The following STAG1 variants were observed in gnomAD, a reference collection of about 807,000 sequenced individuals.
STAG1 encodes STAG1 cohesin complex component, also known as cohesin subunit SA-1.
A neutral mutation model predicts 170.9 loss-of-function variants in STAG1; 26 were observed. The ratio of observed to expected loss-of-function variants is 0.15; its 90% CI spans 0.11 to 0.21. The LOEUF (loss-of-function observed/expected upper bound fraction) is 0.21, where lower values mean the gene tolerates loss of function less well. Among genes scored for constraint, STAG1 ranks in the 10% least tolerant of loss-of-function variants. STAG1 has a pLI of 1.00. For missense variants in STAG1, 964 were observed against 1,509.5 expected, an observed-to-expected ratio of 0.64 and a Z score of 5.99; for synonymous variants, 514 against 497.7, an observed-to-expected ratio of 1.03 and a Z score of -0.44.
intron 6 of STAG1, among the ~76,000 whole-genome samples, chr3:136,530,076 C>A (rs949406351): frequency 6.6e-6 from 1 of 152,004 alleles, no homozygotes; most frequent in East Asian, 1.9e-4. Context: ...GAAAAGTGAG[C>A]AAGAACAGCT....
intron 26 of STAG1, among the ~76,000 whole-genome samples, chr3:136,361,460 T>C (rs1936860142): frequency 6.6e-6 from 1 of 152,214 alleles, no homozygotes; most frequent in South Asian, 2.1e-4. Context: ...TTAAAGGGAA[T>C]ATATATCTTC....
At chr3:136,478,724 T>C (rs115141900) in intron 9 of STAG1, among the ~76,000 whole-genome samples, 1 of 152,142 alleles carries the variant, frequency 6.6e-6, no homozygotes, top group Non-Finnish European at 1.5e-5. Flanking sequence ...GGGAAAACAT[T>C]CTCTTTCCAA....
At chr3:136,340,875 G>GGTA (rs1011209319) in intron 31 of STAG1, among the ~76,000 whole-genome samples, 58 of 152,184 alleles carry the variant, frequency 3.8e-4, no homozygotes, top group African/African-American at 1.3e-3. Context: ...AAATCTTATT[G>GGTA]GTAGTATTAT....
At chr3:136,549,239 GT>G (rs1269617771) in intron 5 of STAG1, among the ~76,000 whole-genome samples, 1 of 151,964 alleles carries the variant, frequency 6.6e-6, no homozygotes, top group East Asian at 1.9e-4. Flanking sequence ...AAATTTATAT[GT>G]TGATGTTGCA....
intron 8 of STAG1, 111 bp downstream of exon 8, chr3:136,502,517 T>C (rs1933539715): frequency 8.5e-7 from 1 of 1,170,088 alleles, no homozygotes; most frequent in Admixed American, 2.5e-5. Flanking sequence ...CATCAAATAA[T>C]CTAACTAAAT....
chr3:136,415,531 A>G (rs2087746573), intron 21 of STAG1, among the ~76,000 whole-genome samples: 1 of 152,174 alleles, frequency 6.6e-6, no homozygotes. Flanking sequence ...GTGAGCTTGC[A>G]TGGTTGTATT....
intron 5 of STAG1, among the ~76,000 whole-genome samples, chr3:136,561,816 C>G (rs1936853163): frequency 1.7e-5 from 1 of 59,574 alleles, no homozygotes; most frequent in Non-Finnish European, 3.1e-5. Flanking sequence ...GGGGTTAAAA[C>G]ATTTTTTTTT....
chr3:136,364,087 T>C (rs541009577), intron 25 of STAG1, among the ~76,000 whole-genome samples: 94 of 148,082 alleles, frequency 6.3e-4, no homozygotes, highest in Non-Finnish European at 1.2e-3. Context: ...TTGTTTTTGC[T>C]TTTATTTGTT....
At chr3:136,512,096 T>TAAAAA (rs35238532) in intron 7 of STAG1, among the ~76,000 whole-genome samples, 51 of 68,300 alleles carry the variant, frequency 7.5e-4, no homozygotes, top group African/African-American at 1.7e-3. Context: ...CTCTACAAAA[T>TAAAAA]AAAAAAAAAA....
intron 7 of STAG1, among the ~76,000 whole-genome samples, chr3:136,512,280 T>A (rs907121232): frequency 6.6e-6 from 1 of 152,044 alleles, no homozygotes; most frequent in African/African-American, 2.4e-5. Context: ...CACTCCAGCC[T>A]GGATGACAGA....
At chr3:136,434,279 G>C (rs1416392582) in intron 15 of STAG1, among the ~76,000 whole-genome samples, 8 of 151,924 alleles carry the variant, frequency 5.3e-5, no homozygotes, top group Non-Finnish European at 1.2e-4. Flanking sequence ...GAAATCATAA[G>C]ATTATTTATT....
At chr3:136,579,951 C>T (rs1937554715) in intron 4 of STAG1, among the ~76,000 whole-genome samples, 2 of 133,082 alleles carry the variant, frequency 1.5e-5, no homozygotes, top group Non-Finnish European at 3.3e-5. Flanking sequence ...GTCACAATAC[C>T]ATCTGAATTT....
At chr3:136,626,606 C>T (rs1214147120) in intron 2 of STAG1, among the ~76,000 whole-genome samples, 1 of 152,112 alleles carries the variant, frequency 6.6e-6, no homozygotes, top group African/African-American at 2.4e-5. Flanking sequence ...GGCATCTGAA[C>T]CACTAGCAGT....
chr3:136,441,450 GA>G (rs1278765783), intron 15 of STAG1, among the ~76,000 whole-genome samples: 7 of 152,182 alleles, frequency 4.6e-5, no homozygotes, highest in Non-Finnish European at 1.0e-4. Flanking sequence ...AAAGGTCTGA[GA>G]AAAGTTTGGG....
At chr3:136,655,221 T>G (rs1438770828) in intron 1 of STAG1, among the ~76,000 whole-genome samples, 1 of 152,168 alleles carries the variant, frequency 6.6e-6, no homozygotes, top group Non-Finnish European at 1.5e-5. Flanking sequence ...GGAGAAAACC[T>G]TTGCCAAGTA....
intron 21 of STAG1, among the ~76,000 whole-genome samples, chr3:136,415,728 G>A (rs768596707): frequency 1.3e-5 from 2 of 152,044 alleles, no homozygotes; most frequent in African/African-American, 2.4e-5. Flanking sequence ...CGGCCGAGGC[G>A]GAAGAATCGC....
At position 136,472,410 on chromosome 3, in the gene STAG1, T is replaced by C. The variant is rs1329855072; in HGVS notation, c.1205+3A>G. 1 of 1,603,516 alleles carries C rather than the reference T, an allele frequency of 6.2e-7. No individual in the cohort carries two copies. Among genetic ancestry groups the C allele is most frequent in the Non-Finnish European group, 8.5e-7 (1 of 1,171,810 alleles). ...AGTTAAAATAGTAATGGATATTACT[T>C]ACTGAAGTATCAGAGTAACCAATCG... On this transcript the variant is annotated splice_donor_region_variant and intron_variant, in intron 12 of 33. Transcript: ENST00000383202.
chr3:136,495,742 G>A (rs746269789), intron 9 of STAG1, among the ~76,000 whole-genome samples: 9 of 152,070 alleles, frequency 5.9e-5, no homozygotes, highest in Admixed American at 2.6e-4. Context: ...GCTGAGGCAG[G>A]TGGCTCGTGA....
At chr3:136,439,194 C>CAAAAAAAAAAAAAAAAAAACCAAAAA in intron 15 of STAG1, among the ~76,000 whole-genome samples, 1 of 63,644 alleles carries the variant, frequency 1.6e-5, no homozygotes, top group Non-Finnish European at 2.8e-5. Context: ...GACCCAGACT[C>CAAAAAAAAAAAAAAAAAAACCAAAAA]AAAAAAAAAA....
Sources: gnomAD v4.1 joint callset for allele counts (sites outside exome capture counted in the v4.1 genomes callset) on GRCh38, gnomAD v4.1.1 for gene constraint, MANE v1.5 for transcripts, NCBI Gene and HGNC (gene_info 2026-07-23, HGNC 2026-07-21) for gene names.